DCBLD2: variants seen among roughly 807,000 people sequenced by gnomAD.
The protein encoded by DCBLD2 is discoidin, CUB and LCCL domain-containing protein 2.
DCBLD2 carries 54 observed loss-of-function variants against 86.8 expected under a neutral mutation model. That is an observed-to-expected ratio of 0.62 (90% CI 0.50 to 0.78). DCBLD2 has a LOEUF of 0.78. Among genes scored for constraint, DCBLD2 ranks in the 30% least tolerant of loss-of-function variants. DCBLD2 has a pLI of 0.00. For synonymous variants in DCBLD2, 354 were observed against 341.3 expected, an observed-to-expected ratio of 1.04 and a Z score of -0.41; for missense variants, 908 against 954.2, an observed-to-expected ratio of 0.95 and a Z score of 0.64.
At chr3:98,807,744 TATA>T in intron 13 of DCBLD2, among the ~76,000 whole-genome samples, 1 of 152,172 alleles carries the variant, frequency 6.6e-6, no homozygotes, top group Non-Finnish European at 1.5e-5. Context: ...AACCACATGA[TATA>T]GTTCCTTGTT....
chr3:98,821,870 A>AC (rs1410778064), intron 6 of DCBLD2, among the ~76,000 whole-genome samples: 1 of 151,752 alleles, frequency 6.6e-6, no homozygotes, highest in African/African-American at 2.4e-5. Context: ...ACATGGTGAA[A>AC]CCCCGCCTCT....
chr3:98,815,913 C>A (rs1942012548), intron 9 of DCBLD2: 1 of 148,986 alleles, frequency 6.7e-6, no homozygotes, highest in Non-Finnish European at 1.5e-5. Context: ...AAGATACCTT[C>A]AAGGGTCATA....
rs1439981588 is a variant in DCBLD2 at position 98,881,719 on chromosome 3, G to T, written c.254C>A (p.Thr85Lys). The T allele has an allele frequency of 1.3e-5, 21 of 1,613,914 alleles. No homozygotes were observed. The highest frequency in any genetic ancestry group is 1.8e-5 in the Non-Finnish European group (21 of 1,179,870). ...TVLGPESGTL[T>K]SINYPQTYPN... Reference sequence around the variant, plus strand: ...ATAGGTCTGTGGGTAGTTTATGGATGTAAGGGTTCCACTCTCAGGGCCTAG... The same window carrying T: ...ATAGGTCTGTGGGTAGTTTATGGATTTAAGGGTTCCACTCTCAGGGCCTAG... Residue 85 changes from threonine to lysine, a missense_variant, in exon 2 of 16, where the codon ACA (threonine) becomes AAA (lysine). Around this residue, in one of 3 missense-constraint regions of DCBLD2, gnomAD observed 294 missense variants for 256.0 expected, o/e 1.15. Transcript: ENST00000326840.
At chr3:98,888,457 A>G (rs1331221751) in intron 1 of DCBLD2, among the ~76,000 whole-genome samples, 1 of 152,032 alleles carries the variant, frequency 6.6e-6, no homozygotes, top group African/African-American at 2.4e-5. Flanking sequence ...ATGACCTTGA[A>G]AAGGTTACTT....
intron 4 of DCBLD2, among the ~76,000 whole-genome samples, chr3:98,823,308 T>A (rs886249359): frequency 6.6e-6 from 1 of 152,224 alleles, no homozygotes; most frequent in Non-Finnish European, 1.5e-5. Context: ...TAATGAATGG[T>A]AGACATGTTT....
At chr3:98,804,731 C>G (rs1941797467) in intron 13 of DCBLD2, among the ~76,000 whole-genome samples, 1 of 152,198 alleles carries the variant, frequency 6.6e-6, no homozygotes, top group Admixed American at 6.5e-5. Flanking sequence ...CCCAGAGATT[C>G]TGGTATGTTG....
At chr3:98,829,842 T>C (rs1015976437) in intron 3 of DCBLD2, among the ~76,000 whole-genome samples, 6 of 152,228 alleles carry the variant, frequency 3.9e-5, no homozygotes, top group Admixed American at 6.5e-5. Context: ...CCACAATGGT[T>C]GAACTTACAC....
intron 3 of DCBLD2, among the ~76,000 whole-genome samples, chr3:98,836,441 C>T (rs1485998516): frequency 1.3e-5 from 2 of 151,702 alleles, no homozygotes; most frequent in African/African-American, 2.4e-5. Flanking sequence ...AGGGCCCATG[C>T]GTTATGAAAT....
At chr3:98,851,768 A>G (rs1182633845) in intron 2 of DCBLD2, among the ~76,000 whole-genome samples, 3 of 152,230 alleles carry the variant, frequency 2.0e-5, no homozygotes, top group East Asian at 3.8e-4. Context: ...GGCTTCAGAA[A>G]TAACACTACA....
chr3:98,895,394 C>G (rs1328707422), intron 1 of DCBLD2: 1 of 152,152 alleles, frequency 6.6e-6, no homozygotes, highest in Non-Finnish European at 1.5e-5. Flanking sequence ...TGGGCAGACA[C>G]AGGGCATGAG....
In DCBLD2 at chr3:98,901,147, C is replaced by T; in HGVS notation, c.180G>A (p.Leu60=). 6.5e-7 allele frequency: 1 copy of T among 1,539,292 alleles called. No individual in the cohort carries two copies. Among genetic ancestry groups the T allele is most frequent in the Non-Finnish European group, 8.7e-7 (1 of 1,146,828 alleles). Residue 60 remains leucine (L), a synonymous_variant, in exon 1 of 16, where the codon CTG becomes CTA. Transcript: ENST00000326840. ...FLLLLLVLLL[L]LEDAGAQQGD... ...CTTGCTGGGCTCCAGCGTCCTCGAG[C>T]AGCAGGAGCAGGACAAGTAAGAGCA...
chr3:98,825,789 C>T (rs931097294), intron 3 of DCBLD2, among the ~76,000 whole-genome samples: 1 of 150,986 alleles, frequency 6.6e-6, no homozygotes, highest in Non-Finnish European at 1.5e-5. Flanking sequence ...TAAAAATGAC[C>T]CTTTGCTGTT....
intron 6 of DCBLD2, among the ~76,000 whole-genome samples, chr3:98,821,703 T>C (rs1164632663): frequency 2.0e-5 from 3 of 152,160 alleles, no homozygotes; most frequent in Non-Finnish European, 4.4e-5. Flanking sequence ...TGACTACATT[T>C]TTGAAGAACA....
intron 10 of DCBLD2, 32 bp downstream of exon 10, chr3:98,812,300 A>G: frequency 6.2e-7 from 1 of 1,608,508 alleles, no homozygotes; most frequent in East Asian, 2.2e-5. Flanking sequence ...GCAATCCAGT[A>G]AAAACATATC....
intron 2 of DCBLD2, among the ~76,000 whole-genome samples, chr3:98,864,046 T>C (rs1943095012): frequency 1.3e-5 from 2 of 152,204 alleles, no homozygotes; most frequent in African/African-American, 2.4e-5. Flanking sequence ...GGGCGAACGA[T>C]ATGAACAGAC....
intron 2 of DCBLD2, 52 bp downstream of exon 2, chr3:98,881,488 A>C (rs1407087479): frequency 6.7e-7 from 1 of 1,485,440 alleles, no homozygotes; most frequent in Non-Finnish European, 9.4e-7. Context: ...AAAAAAATAC[A>C]TCATTGAGAC....
rs1943563201 is a variant in DCBLD2 at position 98,886,392 on chromosome 3, C to T, written c.206-4625G>A. On this transcript the variant is annotated intron_variant, in intron 1 of 15. Transcript: ENST00000326840. ...ATCTGTGACCAGGCTACACCACCTA[C>T]TATTATTCCTGCTCATAAGGCAGAA... Among the ~76,000 whole-genome samples, 3 of 151,996 alleles carry T rather than the reference C, an allele frequency of 2.0e-5. No homozygotes were observed. In the South Asian group the frequency reaches 6.2e-4, roughly 32 times the overall value.
chr3:98,837,058 C>G (rs1576171919), intron 3 of DCBLD2, among the ~76,000 whole-genome samples: 2 of 39,774 alleles, frequency 5.0e-5, no homozygotes, highest in South Asian at 2.0e-3. Context: ...GCTGACCCCC[C>G]CCATCTCCCT....
At chr3:98,800,212 GA>G (rs1559766074) in intron 15 of DCBLD2, among the ~76,000 whole-genome samples, 3 of 152,126 alleles carry the variant, frequency 2.0e-5, no homozygotes, top group African/African-American at 4.8e-5. Flanking sequence ...TAATTTCAGA[GA>G]TTTTTTTCAA....
Sources: allele counts gnomAD v4.1 joint callset (sites outside exome capture counted in the v4.1 genomes callset), GRCh38; gene constraint gnomAD v4.1.1; regional missense constraint gnomAD v4.1.1; transcripts MANE v1.5; gene names NCBI Gene and HGNC (gene_info 2026-07-23, HGNC 2026-07-21).